MALRD1: variants seen among roughly 807,000 people sequenced by gnomAD.
MALRD1 encodes the protein MAM and LDL-receptor class A domain-containing protein 1.
In MALRD1, 247 loss-of-function variants were observed where a neutral mutation model predicts 242.1. The observed-to-expected ratio is 1.02, with a 90% confidence interval of 0.92 to 1.13. MALRD1 has a LOEUF of 1.13. MALRD1 is among the 50% of genes most tolerant of loss of function. The pLI, the probability that MALRD1 is intolerant of heterozygous loss-of-function variation, is 0.00. For missense variants in MALRD1, 2,989 were observed against 2,533.1 expected (o/e 1.18, Z -3.86); for synonymous variants, 995 against 866.6 (o/e 1.15, Z -2.60).
chr10:19,470,861 T>C (rs1836455468), intron 29 of MALRD1, among the ~76,000 whole-genome samples: 1 of 151,962 alleles, frequency 6.6e-6, no homozygotes, highest in Non-Finnish European at 1.5e-5. Context: ...AAATATTTTC[T>C]CCTAATACTT....
At chr10:19,653,406 C>A (rs896743514) in intron 36 of MALRD1, among the ~76,000 whole-genome samples, 8 of 151,984 alleles carry the variant, frequency 5.3e-5, no homozygotes, top group African/African-American at 1.9e-4. Flanking sequence ...ACTGTGTTAC[C>A]CAGGCTGGTC....
In MALRD1 at chr10:19,505,657, T is replaced by C. The variant is rs548723660; in HGVS notation, c.5320+7011T>C. On this transcript the variant is annotated intron_variant, in intron 31 of 39. Coordinates refer to ENST00000454679, the MANE Select transcript of MALRD1 (RefSeq NM_001142308.3). ...TTCTAAGAAAGGTTGTGAAGAACTC[T>C]TCAGGGGAACTCACTCAGACCACTT... 1.9e-3 allele frequency among the ~76,000 whole-genome samples: 293 copies of C among 152,328 alleles called. 1 individual carries two copies. The highest frequency in any genetic ancestry group is 6.7e-3 in the African/African-American group (278 of 41,566).
chr10:19,633,235 A>G (rs183160586), intron 36 of MALRD1, among the ~76,000 whole-genome samples: 34 of 151,856 alleles, frequency 2.2e-4, no homozygotes, highest in Admixed American at 4.6e-4. Context: ...TGTCTCAAAG[A>G]AAAAAAAAGA....
intron 21 of MALRD1, among the ~76,000 whole-genome samples, chr10:19,294,172 C>T (rs1322476657): frequency 1.3e-5 from 2 of 152,066 alleles, no homozygotes; most frequent in African/African-American, 4.8e-5. Flanking sequence ...AATTCATTTT[C>T]ATTATATAAT....
At chr10:19,389,229 T>C (rs1476398832) in intron 27 of MALRD1, 3 of 650,760 alleles carry the variant, frequency 4.6e-6, no homozygotes, top group Non-Finnish European at 8.5e-6. Context: ...GATCAGTTAA[T>C]CTGCATACTG....
At chr10:19,200,559 G>A (rs1476452678) in intron 14 of MALRD1, among the ~76,000 whole-genome samples, 1 of 147,882 alleles carries the variant, frequency 6.8e-6, no homozygotes, top group Non-Finnish European at 1.5e-5. Context: ...GAATCATACT[G>A]AACCATCAGA....
rs11009582 is a variant in MALRD1 at position 19,353,184 on chromosome 10, T to A, written c.4441+887T>A. Among the ~76,000 whole-genome samples the A allele has an allele frequency of 1.2e-3, 186 of 152,022 alleles. 2 individuals are homozygous for A. In the East Asian group the frequency reaches 0.028, roughly 23 times the overall value. ...ACCACACCTGGCAAGTTTTTGTGTT[T>A]TTTGCAGAGATGGGGTCTCACTGTA... On this transcript the variant is annotated intron_variant, in intron 26 of 39. Coordinates refer to ENST00000454679, the MANE Select transcript of MALRD1 (RefSeq NM_001142308.3).
intron 26 of MALRD1, among the ~76,000 whole-genome samples, chr10:19,382,363 A>T (rs61850928): frequency 6.6e-6 from 1 of 151,476 alleles, no homozygotes. Context: ...TGTATGTGTG[A>T]GTGTGTGTGT....
chr10:19,103,667 C>T (rs1280409365), intron 4 of MALRD1, among the ~76,000 whole-genome samples: 2 of 151,864 alleles, frequency 1.3e-5, no homozygotes, highest in African/African-American at 4.8e-5. Flanking sequence ...CAGGTAAATG[C>T]GAAACAGTGT....
At chr10:19,319,632 G>A (rs529490038) in intron 21 of MALRD1, among the ~76,000 whole-genome samples, 4 of 152,102 alleles carry the variant, frequency 2.6e-5, no homozygotes, top group East Asian at 1.9e-4. Context: ...TGGTGCTGGC[G>A]GAATTGGTAT....
At chr10:19,368,482 T>A (rs1440476846) in intron 26 of MALRD1, among the ~76,000 whole-genome samples, 1 of 152,142 alleles carries the variant, frequency 6.6e-6, no homozygotes, top group Non-Finnish European at 1.5e-5. Flanking sequence ...TCTATGTTTC[T>A]GTTTTTATGC....
At chr10:19,231,468 A>C (rs530206146) in intron 18 of MALRD1, among the ~76,000 whole-genome samples, 23 of 152,244 alleles carry the variant, frequency 1.5e-4, no homozygotes, top group African/African-American at 4.6e-4. Context: ...CTCTGCCTGA[A>C]TCTCACCTTG....
At chr10:19,292,140 A>C (rs999115654) in intron 21 of MALRD1, among the ~76,000 whole-genome samples, 1 of 151,772 alleles carries the variant, frequency 6.6e-6, no homozygotes, top group Non-Finnish European at 1.5e-5. Flanking sequence ...TTATAATTGT[A>C]AAATAGTTTT....
chr10:19,560,931 A>C (rs1413446330), intron 32 of MALRD1, among the ~76,000 whole-genome samples: 1 of 152,148 alleles, frequency 6.6e-6, no homozygotes, highest in African/African-American at 2.4e-5. Context: ...CAGGTTCTGC[A>C]CATGTATCCC....
At chr10:19,118,461 A>T (rs1481092751) in intron 5 of MALRD1, among the ~76,000 whole-genome samples, 2 of 152,164 alleles carry the variant, frequency 1.3e-5, no homozygotes, top group African/African-American at 4.8e-5. Flanking sequence ...TCATAGGTGG[A>T]TTCATAGATT....
intron 1 of MALRD1, among the ~76,000 whole-genome samples, chr10:19,049,382 TGAA>T (rs1463427582): frequency 6.6e-6 from 1 of 152,204 alleles, no homozygotes; most frequent in East Asian, 1.9e-4. Flanking sequence ...TTACTGATTA[TGAA>T]GAAGGAGTGC....
chr10:19,387,875 G>A (rs1330056161), intron 27 of MALRD1, 102 bp downstream of exon 27: 3 of 1,373,206 alleles, frequency 2.2e-6, no homozygotes, highest in Admixed American at 2.8e-5. Flanking sequence ...AGACCACCAC[G>A]ATGGTATTGC....
At position 19,567,575 on chromosome 10, in the gene MALRD1, C is replaced by T. The variant is rs1350027265; in HGVS notation, c.5552C>T (p.Thr1851Ile). Residue 1851 changes from threonine (T) to isoleucine (I), a missense_variant, in exon 33 of 40, where the codon ACA (threonine) becomes ATA (isoleucine). Transcript: ENST00000454679. ...ATTGGAAATAAAAGAACGGGATGGA[C>T]ATATGGCTCTGTGCCTCTCTCCAGT... The part of the protein sequence containing the change: ...SVIGNKRTGW[T>I]YGSVPLSSNS... The T allele has an allele frequency of 3.2e-6, 5 of 1,550,342 alleles. No homozygotes were observed. The highest frequency in any genetic ancestry group is 3.9e-5 in the Admixed American group (2 of 50,956).
chr10:19,716,941 C>G (rs1005185619), intron 38 of MALRD1: 2 of 152,182 alleles, frequency 1.3e-5, no homozygotes, highest in African/African-American at 2.4e-5. Context: ...AACCCCTCAT[C>G]AATCAAGTAT....
Sources: gnomAD v4.1 joint callset for allele counts (sites outside exome capture counted in the v4.1 genomes callset) on GRCh38, gnomAD v4.1.1 for gene constraint, MANE v1.5 for transcripts, NCBI Gene and HGNC (gene_info 2026-07-23, HGNC 2026-07-21) for gene names.